ERI2: variants seen among roughly 807,000 people sequenced by gnomAD.
The protein encoded by ERI2 is ERI1 exoribonuclease 2.
A neutral mutation model predicts 46.8 loss-of-function variants in ERI2; 35 were observed. The observed-to-expected ratio is 0.75, with a 90% confidence interval of 0.57 to 0.99. The LOEUF (loss-of-function observed/expected upper bound fraction) is 0.99, where lower values mean the gene tolerates loss of function less well. Ranked by LOEUF, ERI2 falls within the 50% of genes least tolerant of loss-of-function variation. The pLI is 0.00. For missense variants in ERI2, 695 were observed against 796.2 expected, an observed-to-expected ratio of 0.87 and a Z score of 1.53; for synonymous variants, 224 against 271.0, an observed-to-expected ratio of 0.83 and a Z score of 1.70.
chr16:20,804,073 C>T (rs1341172521), intron 1 of ERI2, among the ~76,000 whole-genome samples: 2 of 150,646 alleles, frequency 1.3e-5, no homozygotes, highest in African/African-American at 2.4e-5. Flanking sequence ...AGGCTCATCT[C>T]GAACTCCTGA....
chr16:20,784,111 T>C (rs1446325136), intron 10 of ERI2, among the ~76,000 whole-genome samples: 1 of 152,180 alleles, frequency 6.6e-6, no homozygotes, highest in Non-Finnish European at 1.5e-5. Flanking sequence ...TGGCCTTTCC[T>C]TCTCTATTAT....
rs1328091332 is a variant in ERI2 at position 20,798,302 on chromosome 16, T to TA, written c.1497dup (p.Lys500Ter). ...GTACTTGATTTGTGTTCAGGTAACT[T>TA]AAAGGCAGAAATATCTGAACCTGGA... On this transcript the variant is annotated frameshift_variant, in exon 9 of 9. Transcript: ENST00000357967. LOFTEE classifies it high-confidence loss of function. 5.8e-6 allele frequency: 9 copies of TA among 1,551,532 alleles called. No homozygotes were observed. The highest frequency in any genetic ancestry group is 7.8e-6 in the Non-Finnish European group (9 of 1,146,898).
In ERI2 at chr16:20,790,635, AT is replaced by A; in HGVS notation, c.815+214del. On this transcript the variant is annotated intron_variant, in intron 9 of 10. Transcript: ENST00000300005. The surrounding 1 kb of genome is among the most constrained non-coding windows in gnomAD (Gnocchi z 4.0). Reference sequence around the variant, plus strand: ...TCTACCTCCTGGACAAGAAGGAGATATTGGCATTCAAGTTCTACCCAACCGA... The same window carrying A: ...TCTACCTCCTGGACAAGAAGGAGATATGGCATTCAAGTTCTACCCAACCGA... 6.2e-7 allele frequency: 1 copy of A among 1,614,160 alleles called. No homozygotes were observed. Among genetic ancestry groups the A allele is most frequent in the Non-Finnish European group, 8.5e-7 (1 of 1,179,990 alleles).
intron 10 of ERI2, among the ~76,000 whole-genome samples, chr16:20,782,893 T>A (rs909832232): frequency 3.9e-5 from 6 of 152,176 alleles, no homozygotes; most frequent in African/African-American, 1.4e-4. Context: ...GTCCACAAGG[T>A]CCCAAGTGCA....
At position 20,806,388 on chromosome 16, in the gene ERI2, C is replaced by A; in HGVS notation, c.23+20G>T. The stretch of plus-strand genomic sequence containing the variant: ...TGGACCCGGAGCTACCCGCCCCCGA[C>A]CCGGAACTCCCTCGAGTACCGCGCG... On this transcript the variant is annotated intron_variant, in intron 1 of 8. Coordinates refer to ENST00000357967, the MANE Select transcript of ERI2 (RefSeq NM_001142725.2). 6.5e-7 allele frequency: 1 copy of A among 1,550,224 alleles called. No homozygotes were observed. Among genetic ancestry groups the A allele is most frequent in the Non-Finnish European group, 8.7e-7 (1 of 1,147,114 alleles).
In ERI2 at chr16:20,798,651, G is replaced by A. The variant is rs756015196; in HGVS notation, c.1149C>T (p.Thr383=). 8.4e-6 allele frequency: 13 copies of A among 1,551,632 alleles called. No homozygotes were observed. Among genetic ancestry groups the A allele is most frequent in the African/African-American group, 4.1e-5 (3 of 73,150 alleles). The stretch of plus-strand genomic sequence containing the variant: ...CAGAAACATGATGAACAGTTGGAAC[G>A]GTGGTAGAAACAAGTACCAATTCTG... ...VGSELVLVST[T]VPTVHHVSDL... Residue 383 remains threonine, a synonymous_variant, in exon 9 of 9, where the codon ACC becomes ACT. Transcript: ENST00000357967.
chr16:20,783,696 C>T (rs1237877721), intron 10 of ERI2: 2 of 152,186 alleles, frequency 1.3e-5, no homozygotes, highest in African/African-American at 4.8e-5. Flanking sequence ...AGTCTTGCTT[C>T]AAACCTTGTC....
In ERI2 at chr16:20,803,464, AT is replaced by A. The variant is rs2080816973; in HGVS notation, c.143del (p.Asn48MetfsTer11). 8.1e-6 allele frequency: 13 copies of A among 1,614,084 alleles called. No homozygotes were observed. The highest frequency in any genetic ancestry group is 1.0e-5 in the Non-Finnish European group (12 of 1,179,938). ...IVIDFESTCW[N>X]DGKHHHSQEI... ...CCTGGCTATGGTGGTGCTTCCCATC[AT>A]TCCAGCATGTCGATTCAAAATCAAT... On this transcript the variant is annotated frameshift_variant, in exon 3 of 9. Transcript: ENST00000357967. LOFTEE classifies it high-confidence loss of function.
rs976393054 is a variant in ERI2 at position 20,798,692 on chromosome 16, C to A, written c.1108G>T (p.Ala370Ser). 3 of 1,551,508 alleles carry A rather than the reference C, an allele frequency of 1.9e-6. No homozygotes were observed. Among genetic ancestry groups the A allele is most frequent in the East Asian group, 4.9e-5 (2 of 40,926 alleles). Reference protein sequence around the residue: ...EHLAFNTKSKASTVGSELVLV... With the variant: ...EHLAFNTKSKSSTVGSELVLV... ...ACCAATTCTGAACCAACTGTTGAAGCCTTAGATTTGGTATTAAATGCAAGA... is the reference window on the plus strand; with the variant it reads ...ACCAATTCTGAACCAACTGTTGAAGACTTAGATTTGGTATTAAATGCAAGA... The change falls in exon 9 of 9, where the codon GCT (alanine) becomes TCT (serine). Residue 370 changes from alanine (A) to serine (S), a missense_variant. Transcript: ENST00000357967.
chr16:20,799,064 G>A lies in ERI2; in HGVS notation c.736C>T (p.Pro246Ser). The A allele has an allele frequency of 1.3e-6, 2 of 1,502,800 alleles. No homozygotes were observed. Among genetic ancestry groups the A allele is most frequent in the Non-Finnish European group, 1.8e-6 (2 of 1,129,962 alleles). The allele number at this position is 1,502,800 out of a possible 1,614,324, so 93.1% of individuals were successfully genotyped here. A position where few individuals can be genotyped will look rare whatever the true frequency, so the allele number is the denominator to read the frequency against. Residue 246 changes from proline (P) to serine (S), a missense_variant, in exon 9 of 9, where the codon CCC (proline) becomes TCC (serine). Coordinates refer to ENST00000357967, the MANE Select transcript of ERI2 (RefSeq NM_001142725.2). ...AGAATGCTGAAATTCTTCTTAGTGG[G>A]AACCTATGATTCCACAGACAAATGC... ...MKITRSLNKV[P>S]TKKNFSILAR... is the part of the protein sequence containing the mutation.
At position 20,796,392 on chromosome 16, in the gene ERI2, TA is replaced by T; in HGVS notation, c.*1331del. ...TAGGTAGTAAAGGCTTTTGTCGTTC[TA>T]AATCCTGATTACAAGTCACATGATC... On this transcript the variant is annotated 3_prime_UTR_variant, in exon 9 of 9. Coordinates refer to ENST00000357967, the MANE Select transcript of ERI2 (RefSeq NM_001142725.2). 6.2e-7 allele frequency: 1 copy of T among 1,612,380 alleles called. No individual in the cohort carries two copies. The highest frequency in any genetic ancestry group is 8.5e-7 in the Non-Finnish European group (1 of 1,179,652).
intron 1 of ERI2, among the ~76,000 whole-genome samples, chr16:20,804,660 T>C (rs994663635): frequency 3.9e-5 from 6 of 151,982 alleles, no homozygotes; most frequent in African/African-American, 1.5e-4. Flanking sequence ...AGCGAGACCC[T>C]GTCTCAAAAA....
At chr16:20,784,386 G>C (rs561008125) in intron 10 of ERI2, 2 of 152,558 alleles carry the variant, frequency 1.3e-5, no homozygotes, top group African/African-American at 4.8e-5. Flanking sequence ...GTTCTACTGG[G>C]CAGCACTGTC....
At chr16:20,786,987 C>A (rs2080488208) in intron 10 of ERI2, among the ~76,000 whole-genome samples, 1 of 152,206 alleles carries the variant, frequency 6.6e-6, no homozygotes. Context: ...TGCTCCCAAG[C>A]CTGCCTGGCC....
chr16:20,786,138 T>C, intron 10 of ERI2: 1 of 1,609,802 alleles, frequency 6.2e-7, no homozygotes, highest in Non-Finnish European at 8.5e-7. Context: ...GGGAAAACCT[T>C]CTCCTGCTTT....
chr16:20,797,678 T>G lies in ERI2; in HGVS notation c.*46A>C. 6.8e-7 allele frequency: 1 copy of G among 1,475,418 alleles called. No individual in the cohort carries two copies. Among genetic ancestry groups the G allele is most frequent in the Non-Finnish European group, 9.0e-7 (1 of 1,115,582 alleles). The allele number at this position is 1,475,418 out of a possible 1,614,324, so 91.4% of individuals were successfully genotyped here. On this transcript the variant is annotated 3_prime_UTR_variant, in exon 9 of 9. Transcript: ENST00000357967. ...GTGTAAGATGTTATCAGAATACTCATGTTTGGAAATTCAAGGAACAATTAG... is the reference window on the plus strand; with the variant it reads ...GTGTAAGATGTTATCAGAATACTCAGGTTTGGAAATTCAAGGAACAATTAG...
downstream of ERI2, among the ~76,000 whole-genome samples, chr16:20,791,506 T>C (rs2080596198): frequency 1.3e-5 from 2 of 152,226 alleles, no homozygotes; most frequent in Non-Finnish European, 2.9e-5. Context: ...TTTGTAACTG[T>C]AGTTTACCTT....
chr16:20,803,896 A>G (rs915553735), intron 1 of ERI2, among the ~76,000 whole-genome samples: 1 of 152,194 alleles, frequency 6.6e-6, no homozygotes, highest in African/African-American at 2.4e-5. Context: ...TCTGTCACGT[A>G]GGTTGCAGTG....
At chr16:20,789,975 G>A (rs1348159244) in intron 9 of ERI2, among the ~76,000 whole-genome samples, 1 of 151,342 alleles carries the variant, frequency 6.6e-6, no homozygotes, top group East Asian at 2.0e-4. Context: ...CGCCCAGCCA[G>A]CAATCCTATT....
Sources: allele counts gnomAD v4.1 joint callset (sites outside exome capture counted in the v4.1 genomes callset), GRCh38; gene constraint gnomAD v4.1.1; non-coding constraint Gnocchi (gnomAD v3.1); transcripts MANE v1.5; gene names NCBI Gene and HGNC (gene_info 2026-07-23, HGNC 2026-07-21).